The following FRMD6 variants were observed in gnomAD, a reference collection of about 807,000 sequenced individuals.
The protein encoded by FRMD6 is FERM domain-containing protein 6.
Under a neutral mutation model 73.2 loss-of-function variants are expected in FRMD6, and 37 were observed. The ratio of observed to expected loss-of-function variants is 0.51; its 90% CI spans 0.39 to 0.66. The LOEUF is 0.66. Among genes scored for constraint, FRMD6 ranks in the 30% least tolerant of loss-of-function variants. The pLI is 0.00. For missense variants in FRMD6, 714 were observed against 780.5 expected (o/e 0.91, Z 1.02); for synonymous variants, 273 against 282.2 (o/e 0.97, Z 0.33).
intron 7 of FRMD6, among the ~76,000 whole-genome samples, chr14:51,709,134 G>A (rs11626192): frequency 0.27 from 41,021 of 152,104 alleles, 6,130 homozygotes; most frequent in Non-Finnish European, 0.33. Flanking sequence ...ATTCAAAGGT[G>A]TATTCTCAAA....
chr14:51,452,559 G>A, the FRMD6 span, among the ~76,000 whole-genome samples: 1 of 152,198 alleles, frequency 6.6e-6, no homozygotes, highest in South Asian at 2.1e-4. Flanking sequence ...CTTGGAATGA[G>A]TCTATAGCTC....
intron 1 of FRMD6, among the ~76,000 whole-genome samples, chr14:51,656,491 G>A (rs113393562): frequency 6.6e-6 from 1 of 151,134 alleles, no homozygotes; most frequent in Non-Finnish European, 1.5e-5. Flanking sequence ...TCAGCTCACT[G>A]CAGCCTCCAC....
At chr14:51,540,907 G>C (rs1326211664) in intron 1 of FRMD6, among the ~76,000 whole-genome samples, 1 of 152,108 alleles carries the variant, frequency 6.6e-6, no homozygotes, top group East Asian at 1.9e-4. Context: ...AATGGAAAAG[G>C]AAGTTTATGA....
intron 2 of FRMD6, among the ~76,000 whole-genome samples, chr14:51,636,417 G>A (rs913534780): frequency 6.6e-6 from 1 of 152,124 alleles, no homozygotes; most frequent in African/African-American, 2.4e-5. Flanking sequence ...CTGCCTGACT[G>A]TTGGTCCATA....
intron 9 of FRMD6, among the ~76,000 whole-genome samples, chr14:51,713,333 C>G (rs1897052502): frequency 6.6e-6 from 1 of 151,908 alleles, no homozygotes; most frequent in South Asian, 2.1e-4. Context: ...TGGTGGGCAC[C>G]TGTAATCCCA....
At chr14:51,406,670 G>T in the FRMD6 span, among the ~76,000 whole-genome samples, 1 of 151,742 alleles carries the variant, frequency 6.6e-6, no homozygotes, top group African/African-American at 2.4e-5. Flanking sequence ...TACATTGATT[G>T]TTATACTAAT....
chr14:51,416,760 G>C, the FRMD6 span, among the ~76,000 whole-genome samples: 1 of 152,306 alleles, frequency 6.6e-6, no homozygotes, highest in East Asian at 1.9e-4. Context: ...GGGTGTTAAA[G>C]TCTCCCGTTA....
chr14:51,507,766 G>T (rs937808739), intron 1 of FRMD6, among the ~76,000 whole-genome samples: 8 of 152,050 alleles, frequency 5.3e-5, no homozygotes, highest in Non-Finnish European at 7.4e-5. Context: ...AGCTGAAAAG[G>T]CTTGGCTGGG....
intron 1 of FRMD6, among the ~76,000 whole-genome samples, chr14:51,531,155 C>T (rs939836011): frequency 1.3e-5 from 2 of 152,170 alleles, no homozygotes; most frequent in African/African-American, 2.4e-5. Context: ...CCTCCCAACA[C>T]TGTTGCATTG....
At chr14:51,484,064 A>G in the FRMD6 span, among the ~76,000 whole-genome samples, 52 of 152,354 alleles carry the variant, frequency 3.4e-4, no homozygotes, top group African/African-American at 1.2e-3. Context: ...CACCTTCAAC[A>G]TAGATGTTCA....
At chr14:51,586,708 GT>G (rs1448835564) in intron 2 of FRMD6, among the ~76,000 whole-genome samples, 1 of 148,818 alleles carries the variant, frequency 6.7e-6, no homozygotes, top group Non-Finnish European at 1.5e-5. Context: ...ATGGCTTCAT[GT>G]CTTATGTTCA....
chr14:51,727,656 C>T, intron 13 of FRMD6, 89 bp from the exon 14 acceptor site: 1 of 1,285,700 alleles, frequency 7.8e-7, no homozygotes, highest in Non-Finnish European at 1.1e-6. Flanking sequence ...GATTACTTAA[C>T]CTTTTGTGGT....
chr14:51,628,466 C>T (rs1891197521), intron 2 of FRMD6, among the ~76,000 whole-genome samples: 4 of 152,088 alleles, frequency 2.6e-5, no homozygotes, highest in Admixed American at 2.0e-4. Flanking sequence ...ATCCCCATTC[C>T]AATCCCCAGC....
chr14:51,401,842 G>A, the FRMD6 span, among the ~76,000 whole-genome samples: 1 of 152,232 alleles, frequency 6.6e-6, no homozygotes, highest in Non-Finnish European at 1.5e-5. Context: ...TTCATCCCAA[G>A]AGTGTCTGTC....
At chr14:51,405,977 T>C in the FRMD6 span, among the ~76,000 whole-genome samples, 1 of 152,222 alleles carries the variant, frequency 6.6e-6, no homozygotes, top group African/African-American at 2.4e-5. Flanking sequence ...GTTTTACATA[T>C]AAGTCTTTAA....
At chr14:51,613,642 C>T (rs75192475) in intron 2 of FRMD6, among the ~76,000 whole-genome samples, 10,649 of 152,072 alleles carry the variant, frequency 0.07, 875 homozygotes, top group African/African-American at 0.2. Flanking sequence ...CATAGCTCCC[C>T]GGTGCTGGGC....
chr14:51,498,407 C>T (rs541633853), intron 1 of FRMD6, among the ~76,000 whole-genome samples: 3 of 130,996 alleles, frequency 2.3e-5, no homozygotes, highest in East Asian at 4.9e-4. Context: ...GGCAGCACTC[C>T]ACTCACCAAT....
chr14:51,402,701 T>A, the FRMD6 span, among the ~76,000 whole-genome samples: 1 of 149,990 alleles, frequency 6.7e-6, no homozygotes, highest in Non-Finnish European at 1.5e-5. Context: ...TGCGGTGGCA[T>A]GATCTCGGCT....
intron 1 of FRMD6, among the ~76,000 whole-genome samples, chr14:51,536,551 G>T (rs1476821835): frequency 2.6e-5 from 4 of 152,076 alleles, no homozygotes; most frequent in Non-Finnish European, 5.9e-5. Flanking sequence ...CCCAGTAGCT[G>T]GGATTACAGG....
Sources: gnomAD v4.1 joint callset for allele counts (sites outside exome capture counted in the v4.1 genomes callset) on GRCh38, gnomAD v4.1.1 for gene constraint, MANE v1.5 for transcripts, NCBI Gene and HGNC (gene_info 2026-07-23, HGNC 2026-07-21) for gene names.